AFF3: variants seen among roughly 807,000 people sequenced by gnomAD.
AFF3 encodes AF4/FMR2 family member 3.
Under a neutral mutation model 129.7 loss-of-function variants are expected in AFF3, and 32 were observed. That is an observed-to-expected ratio of 0.25 (90% CI 0.19 to 0.33). The LOEUF (loss-of-function observed/expected upper bound fraction) is 0.33, where lower values mean the gene tolerates loss of function less well. Ranked by LOEUF, AFF3 falls within the 10% of genes least tolerant of loss-of-function variation. The probability of loss-of-function intolerance (pLI) is 1.00; values close to 1 mark genes in which losing one functional copy is unlikely to be tolerated. For missense variants in AFF3, 1,373 were observed against 1,592.0 expected (o/e 0.86, Z 2.34); for synonymous variants, 644 against 635.4 (o/e 1.01, Z -0.20).
Position 100,129,416 on chromosome 2 carries a change from G to GTGTGTATA in AFF3, c.-227-111_-227-110insTATACACA, listed in dbSNP as rs1491429504. On this transcript the variant is annotated intron_variant, in intron 1 of 24. Transcript: ENST00000672756. ...TGTGTGTGTGTGTGTGTGTGTGTGT[G>GTGTGTATA]TATACATATTCATGTATAAAACAGT... 1.1e-4 allele frequency: 15 copies of GTGTGTATA among 141,614 alleles called. 1 individual carries two copies. The Middle Eastern group carries it at 0.014, about 137-fold the overall frequency. The allele number at this position is 141,614 out of a possible 1,614,324, so 8.8% of individuals were successfully genotyped here. A position where few individuals can be genotyped will look rare whatever the true frequency, so the allele number is the denominator to read the frequency against.
chr2:99,772,903 T>C (rs1683605874), intron 8 of AFF3, among the ~76,000 whole-genome samples: 1 of 152,200 alleles, frequency 6.6e-6, no homozygotes, highest in African/African-American at 2.4e-5. Flanking sequence ...TTAGACTAGA[T>C]CCAAGTTCTC....
chr2:99,673,871 G>A (rs1265018951), intron 11 of AFF3, among the ~76,000 whole-genome samples: 1 of 152,214 alleles, frequency 6.6e-6, no homozygotes, highest in African/African-American at 2.4e-5. Flanking sequence ...TGCATGTGGG[G>A]TGAGTCGCTT....
rs547913556 is a variant in AFF3, at chr2:99,682,942, T to C, written c.1092-10353A>G. Among the ~76,000 whole-genome samples the C allele has an allele frequency of 2.6e-5, 4 of 152,356 alleles. No individual in the cohort carries two copies. In the South Asian group the frequency reaches 8.3e-4, roughly 32 times the overall value. ...GCCTGCTGGAGACATCTGAGATTAC[T>C]GTTAGCAGTTTTCTGTTATTCTTGC... On this transcript the variant is annotated intron_variant, in intron 11 of 24. Coordinates refer to ENST00000672756, the MANE Select transcript of AFF3 (RefSeq NM_001386135.1).
intron 7 of AFF3, among the ~76,000 whole-genome samples, chr2:99,985,888 C>T (rs925125120): frequency 1.7e-4 from 26 of 152,046 alleles, no homozygotes; most frequent in African/African-American, 5.5e-4. Context: ...AGAAATTGTA[C>T]TTTCATAAGA....
chr2:99,763,898 T>C (rs369095598), intron 8 of AFF3, among the ~76,000 whole-genome samples: 4 of 152,254 alleles, frequency 2.6e-5, no homozygotes, highest in East Asian at 3.8e-4. Flanking sequence ...ACCGACCCAC[T>C]GGATGACAGG....
intron 7 of AFF3, among the ~76,000 whole-genome samples, chr2:99,931,849 C>A (rs1438758565): frequency 6.6e-6 from 1 of 152,188 alleles, no homozygotes; most frequent in African/African-American, 2.4e-5. Context: ...GCAGAGGTTG[C>A]AGTGAGCCGA....
chr2:99,760,092 A>G (rs755194017), intron 8 of AFF3, among the ~76,000 whole-genome samples: 1 of 152,240 alleles, frequency 6.6e-6, no homozygotes, highest in Non-Finnish European at 1.5e-5. Flanking sequence ...TAAGCATTCA[A>G]TAAAAGACAG....
rs545398355 is a variant in AFF3 at position 99,729,719 on chromosome 2, A to T, written c.1040-2591T>A. On this transcript the variant is annotated intron_variant, in intron 10 of 24. Coordinates refer to ENST00000672756, the MANE Select transcript of AFF3 (RefSeq NM_001386135.1). ...GGAACATTCTAGAACATTAGTACAA[A>T]TTTTTTTTTTTTTAGTTGGGTGTGC... Among the ~76,000 whole-genome samples, 228 of 146,650 alleles carry T rather than the reference A, an allele frequency of 1.6e-3. 1 individual carries two copies. Among genetic ancestry groups the T allele is most frequent in the Middle Eastern group, 0.011 (3 of 282 alleles).
intron 4 of AFF3, among the ~76,000 whole-genome samples, chr2:100,059,254 C>A (rs1487507426): frequency 4.8e-4 from 15 of 31,026 alleles, no homozygotes; most frequent in East Asian, 1.2e-3. Context: ...ACTCTGTCTC[C>A]AAAAAAAAAA....
At chr2:99,602,318 C>T (rs750032833) in intron 13 of AFF3, among the ~76,000 whole-genome samples, 19 of 152,124 alleles carry the variant, frequency 1.2e-4, no homozygotes, top group Non-Finnish European at 2.2e-4. Flanking sequence ...TCGTATATTC[C>T]GGACTTTAAA....
intron 4 of AFF3, among the ~76,000 whole-genome samples, chr2:100,016,350 GGTGATGGTGGTA>G (rs973263503): frequency 6.9e-6 from 1 of 144,910 alleles, no homozygotes; most frequent in African/African-American, 2.9e-5. Context: ...TGATAGTGAT[GGTGATGGTGGTA>G]GTGATGGTGA....
At chr2:100,002,409 T>C (rs1226413940) in intron 7 of AFF3, among the ~76,000 whole-genome samples, 1 of 152,224 alleles carries the variant, frequency 6.6e-6, no homozygotes, top group African/African-American at 2.4e-5. Context: ...GTGCTTCATC[T>C]TTCTATTCTT....
intron 7 of AFF3, among the ~76,000 whole-genome samples, chr2:99,889,745 G>A (rs1301836621): frequency 2.0e-5 from 3 of 152,178 alleles, no homozygotes; most frequent in Non-Finnish European, 4.4e-5. Context: ...CGCAACCTCT[G>A]CCTCCAGGGT....
At chr2:99,605,151 A>G (rs1680201825) in intron 13 of AFF3, among the ~76,000 whole-genome samples, 2 of 152,354 alleles carry the variant, frequency 1.3e-5, no homozygotes, top group East Asian at 1.9e-4. Flanking sequence ...TCTGAATTAC[A>G]TTGGCAGAAA....
rs1014844504 is a variant in AFF3 at position 99,547,229 on chromosome 2, T to C, written c.*4245A>G. ...ATTCACAGAAATTGGTGGATGTCTT[T>C]TACGTACAACTCAACTTCTCTCATT... On this transcript the variant is annotated 3_prime_UTR_variant, in exon 25 of 25. Transcript: ENST00000672756. 4.6e-6 allele frequency: 1 copy of C among 215,946 alleles called. No individual in the cohort carries two copies. Among genetic ancestry groups the C allele is most frequent in the African/African-American group, 2.3e-5 (1 of 44,378 alleles). 13.4% of individuals were successfully genotyped at this position (215,946 alleles called of 1,614,324 possible).
At chr2:99,728,367 G>A (rs967607890) in intron 10 of AFF3, among the ~76,000 whole-genome samples, 2 of 152,158 alleles carry the variant, frequency 1.3e-5, no homozygotes, top group Admixed American at 1.3e-4. Context: ...AGTCAGGCCT[G>A]GAGATCTCTA....
At chr2:99,897,315 A>G (rs1558956477) in intron 7 of AFF3, among the ~76,000 whole-genome samples, 1 of 152,158 alleles carries the variant, frequency 6.6e-6, no homozygotes, top group African/African-American at 2.4e-5. Flanking sequence ...AGTCACATGC[A>G]ATTAATTTGA....
chr2:100,123,695 G>A (rs560230677), intron 2 of AFF3, among the ~76,000 whole-genome samples: 9 of 152,208 alleles, frequency 5.9e-5, no homozygotes, highest in Non-Finnish European at 1.0e-4. Flanking sequence ...CTACCCTGAA[G>A]CAAAATATCC....
intron 13 of AFF3, among the ~76,000 whole-genome samples, chr2:99,611,153 T>A (rs1421850935): frequency 6.6e-6 from 1 of 152,228 alleles, no homozygotes; most frequent in Non-Finnish European, 1.5e-5. Flanking sequence ...ATTTGCCTTT[T>A]CCTTGTATTT....
Sources: allele counts gnomAD v4.1 joint callset (sites outside exome capture counted in the v4.1 genomes callset), GRCh38; gene constraint gnomAD v4.1.1; transcripts MANE v1.5; gene names NCBI Gene and HGNC (gene_info 2026-07-23, HGNC 2026-07-21).